The following DHRS7C variants were observed in gnomAD, a reference collection of about 807,000 sequenced individuals.
DHRS7C encodes dehydrogenase/reductase 7C, also known as dehydrogenase/reductase SDR family member 7C.
In DHRS7C, 28 loss-of-function variants were observed where a neutral mutation model predicts 29.6. The observed-to-expected ratio is 0.95, with a 90% CI of 0.70 to 1.30. The LOEUF (loss-of-function observed/expected upper bound fraction) is 1.30. Ranked by LOEUF, DHRS7C falls within the 50% of genes most tolerant of loss-of-function variation. DHRS7C has a pLI of 0.00. For synonymous variants in DHRS7C, 158 were observed against 160.2 expected (o/e 0.99, Z 0.10); for missense variants, 403 against 393.3 (o/e 1.02, Z -0.21).
chr17:9,779,717 G>A (rs2066382462), intron 3 of DHRS7C, 108 bp downstream of exon 3: 1 of 1,145,554 alleles, frequency 8.7e-7, no homozygotes. Flanking sequence ...ATTTTCTGAG[G>A]GGACTGGGGA....
At chr17:9,788,125 G>T (rs1285488004) in intron 1 of DHRS7C, among the ~76,000 whole-genome samples, 1 of 152,190 alleles carries the variant, frequency 6.6e-6, no homozygotes, top group Non-Finnish European at 1.5e-5. Context: ...ACACAGGCAG[G>T]GCTGACATTC....
chr17:9,779,964 G>A lies in DHRS7C; in HGVS notation c.339C>T (p.Val113=), dbSNP rs2152016690. The change falls in exon 3 of 6, where the codon GTC becomes GTT. Residue 113 remains valine (V), a synonymous_variant. Coordinates refer to ENST00000571134, the MANE Select transcript of DHRS7C (RefSeq NM_001105571.3). ...TGTCCACACAGCCATAGCAATCCAG[G>A]ACTTCTTTTGCCACATCTGGGACAC... ...ISCVPDVAKE[V]LDCYGCVDIL... The A allele has an allele frequency of 6.2e-7, 1 of 1,613,930 alleles. No individual in the cohort carries two copies. Among genetic ancestry groups the A allele is most frequent in the East Asian group, 2.2e-5 (1 of 44,872 alleles).
chr17:9,777,320 C>A (rs750737888), intron 3 of DHRS7C, 35 bp from the exon 4 acceptor site: 1 of 1,590,834 alleles, frequency 6.3e-7, no homozygotes, highest in South Asian at 1.1e-5. Flanking sequence ...ATGGTTAAAA[C>A]TTTGAGACTG....
chr17:9,780,059 G>C, intron 2 of DHRS7C, 24 bp from the exon 3 acceptor site: 1 of 1,607,722 alleles, frequency 6.2e-7, no homozygotes, highest in Non-Finnish European at 8.5e-7. Flanking sequence ...GAGAGAGTCA[G>C]GGTATGTGTG....
At position 9,775,410 on chromosome 17, in the gene DHRS7C, C is replaced by T. The variant is rs985222207; in HGVS notation, c.571+1783G>A. Among the ~76,000 whole-genome samples the T allele has an allele frequency of 3.3e-5, 5 of 152,288 alleles. No homozygotes were observed. The highest frequency in any genetic ancestry group is 1.3e-4 in the Admixed American group (2 of 15,304). On this transcript the variant is annotated intron_variant, in intron 4 of 5. Transcript: ENST00000571134. This position sits in a 1 kb window ranked among gnomAD's most constrained non-coding sequence, Gnocchi z 4.2. ...AGTTCTCCCAATAGGATGTGAGCAG[C>T]GGTGATGCCAGCCTGGGGACAATGG...
At chr17:9,790,669 A>G (rs1249711790) in intron 1 of DHRS7C, among the ~76,000 whole-genome samples, 1 of 152,172 alleles carries the variant, frequency 6.6e-6, no homozygotes, top group Non-Finnish European at 1.5e-5. Context: ...ATTCCTCACA[A>G]TGGCAGCATG....
At chr17:9,776,683 T>C (rs999366280) in intron 4 of DHRS7C, among the ~76,000 whole-genome samples, 5 of 152,292 alleles carry the variant, frequency 3.3e-5, no homozygotes, top group Middle Eastern at 3.4e-3. Context: ...CTTGAACTTT[T>C]GAAAGGACGC....
In DHRS7C at chr17:9,779,828, T is replaced by C. The variant is rs775830951; in HGVS notation, c.475A>G (p.Lys159Glu). The change falls in exon 3 of 6, where the codon AAA (lysine) becomes GAA (glutamate). Residue 159 changes from lysine (K) to glutamate (E), a missense_variant. Coordinates refer to ENST00000571134, the MANE Select transcript of DHRS7C (RefSeq NM_001105571.3). ...GGGAAAGTCAAACTCACGAGACCTT[T>C]CGTCAATGTGATGGGGCCAAAGTAA... ...ANYFGPITLT[K>E]ALLPNMISRR... 87 of 1,611,688 alleles carry C rather than the reference T, an allele frequency of 5.4e-5. No homozygotes were observed. The East Asian group carries it at 1.9e-3, about 36-fold the overall frequency.
intron 3 of DHRS7C, among the ~76,000 whole-genome samples, chr17:9,777,812 AAG>A (rs2066371004): frequency 6.6e-6 from 1 of 152,156 alleles, no homozygotes; most frequent in Non-Finnish European, 1.5e-5. Context: ...TCTTTTAACA[AAG>A]AGAGGGAAGA....
chr17:9,789,747 G>A lies in DHRS7C; in HGVS notation c.154+1384C>T, dbSNP rs374646989. Among the ~76,000 whole-genome samples, 97 of 152,266 alleles carry A rather than the reference G, an allele frequency of 6.4e-4. 1 individual carries two copies. The highest frequency in any genetic ancestry group is 2.2e-3 in the African/African-American group (91 of 41,544). On this transcript the variant is annotated intron_variant, in intron 1 of 5. Transcript: ENST00000571134. ...GCGCTATTTGGAGAGCAAATTTTTC[G>A]CAAAGCCTTCTGTTCTGAATAGCTT...
chr17:9,773,196 T>C (rs1041146600), intron 4 of DHRS7C, among the ~76,000 whole-genome samples: 6 of 152,140 alleles, frequency 3.9e-5, no homozygotes, highest in Non-Finnish European at 8.8e-5. Context: ...AGTTTTCTTA[T>C]CTTTAAAATG....
intron 1 of DHRS7C, among the ~76,000 whole-genome samples, chr17:9,785,691 G>A (rs1300849338): frequency 6.6e-6 from 1 of 152,172 alleles, no homozygotes; most frequent in East Asian, 1.9e-4. Flanking sequence ...CCTCTGAAAG[G>A]CACATGAAAG....
intron 3 of DHRS7C, among the ~76,000 whole-genome samples, chr17:9,778,187 C>G (rs528750379): frequency 4.1e-4 from 63 of 151,820 alleles, no homozygotes; most frequent in Non-Finnish European, 8.5e-4. Context: ...GTCAGGAGAT[C>G]GAGACCATCC....
chr17:9,785,184 A>G (rs17810040), intron 1 of DHRS7C: 40,696 of 152,204 alleles, frequency 0.27, 5,491 homozygotes, highest in East Asian at 0.38. Flanking sequence ...AATAGGACAC[A>G]AATGAATCAA....
At chr17:9,782,162 G>A (rs190095336) in intron 1 of DHRS7C, among the ~76,000 whole-genome samples, 9 of 152,172 alleles carry the variant, frequency 5.9e-5, no homozygotes, top group African/African-American at 1.7e-4. Flanking sequence ...TAGCAATACC[G>A]ATGATACTTA....
rs1461369878 is a variant in DHRS7C, at chr17:9,775,709, G to GA, written c.571+1483dup. The stretch of plus-strand genomic sequence containing the variant: ...AGGCCTAAACTAACTAAGGCATATG[G>GA]AAAAAGGAAGGTAAAACACTACTAG... On this transcript the variant is annotated intron_variant, in intron 4 of 5. Coordinates refer to ENST00000571134, the MANE Select transcript of DHRS7C (RefSeq NM_001105571.3). This position sits in a 1 kb window ranked among gnomAD's most constrained non-coding sequence, Gnocchi z 4.2. Among the ~76,000 whole-genome samples the GA allele has an allele frequency of 6.6e-6, 1 of 152,146 alleles. No homozygotes were observed.
Position 9,780,041 on chromosome 17 carries a change from G to A in DHRS7C, c.268-6C>T. ...ACCAGCTTTGGGGTGAATGTCTGCT[G>A]AACCAATGAGAGAGTCAGGGTATGT... On this transcript the variant is annotated splice_region_variant and splice_polypyrimidine_tract_variant and intron_variant, in intron 2 of 5. Transcript: ENST00000571134. The A allele has an allele frequency of 6.2e-7, 1 of 1,612,496 alleles. No homozygotes were observed. Among genetic ancestry groups the A allele is most frequent in the Non-Finnish European group, 8.5e-7 (1 of 1,179,452 alleles).
Position 9,775,428 on chromosome 17 carries a change from G to C in DHRS7C, c.571+1765C>G, listed in dbSNP as rs2066356627. 6.6e-6 allele frequency among the ~76,000 whole-genome samples: 1 copy of C among 152,202 alleles called. No homozygotes were observed. The highest frequency in any genetic ancestry group is 1.5e-5 in the Non-Finnish European group (1 of 68,032). On this transcript the variant is annotated intron_variant, in intron 4 of 5. Coordinates refer to ENST00000571134, the MANE Select transcript of DHRS7C (RefSeq NM_001105571.3). This position sits in a 1 kb window ranked among gnomAD's most constrained non-coding sequence, Gnocchi z 4.2. Reference sequence around the variant, plus strand: ...TGAGCAGCGGTGATGCCAGCCTGGGGACAATGGGATGTCCAATGCCAGCCT... The same window carrying C: ...TGAGCAGCGGTGATGCCAGCCTGGGCACAATGGGATGTCCAATGCCAGCCT...
intron 2 of DHRS7C, 101 bp from the exon 3 acceptor site, chr17:9,780,136 G>T: frequency 1.2e-5 from 11 of 915,730 alleles, no homozygotes; most frequent in Non-Finnish European, 1.1e-5. Flanking sequence ...GAAATTCAAA[G>T]ATAATGAAAT....
Sources: allele counts gnomAD v4.1 joint callset (sites outside exome capture counted in the v4.1 genomes callset), GRCh38; gene constraint gnomAD v4.1.1; non-coding constraint Gnocchi (gnomAD v3.1); transcripts MANE v1.5; gene names NCBI Gene and HGNC (gene_info 2026-07-23, HGNC 2026-07-21).